Variants in GNG7 observed in about 807,000 individuals in gnomAD.
GNG7 encodes the protein guanine nucleotide-binding protein G(I)/G(S)/G(O) subunit gamma-7.
Under a neutral mutation model 4.0 loss-of-function variants are expected in GNG7, and 1 was observed. The ratio of observed to expected loss-of-function variants is 0.25; its 90% CI spans 0.09 to 1.18. GNG7 has a LOEUF of 1.18. GNG7 is among the 50% of genes most tolerant of loss of function. The pLI is 0.50. For missense variants in GNG7, 86 were observed against 91.9 expected, an observed-to-expected ratio of 0.94 and a Z score of 0.26; for synonymous variants, 34 against 36.9, an observed-to-expected ratio of 0.92 and a Z score of 0.29.
intron 2 of GNG7, among the ~76,000 whole-genome samples, chr19:2,560,100 C>T (rs1041143446): frequency 6.6e-6 from 1 of 151,788 alleles, no homozygotes; most frequent in South Asian, 2.1e-4. Flanking sequence ...AGGGAACGCA[C>T]GTCCATGACT....
At chr19:2,636,220 T>C (rs1355572898) in intron 2 of GNG7, among the ~76,000 whole-genome samples, 1 of 151,828 alleles carries the variant, frequency 6.6e-6, no homozygotes, top group Non-Finnish European at 1.5e-5. Context: ...ACTCAGGGGG[T>C]GGATGGAATT....
chr19:2,556,843 G>C (rs975492344), intron 2 of GNG7, among the ~76,000 whole-genome samples: 1 of 152,128 alleles, frequency 6.6e-6, no homozygotes, highest in Non-Finnish European at 1.5e-5. Context: ...GGTGAGCTGC[G>C]TCCCTGGCAT....
At chr19:2,522,366 G>A (rs531699563) in intron 3 of GNG7, among the ~76,000 whole-genome samples, 5 of 152,244 alleles carry the variant, frequency 3.3e-5, no homozygotes, top group Non-Finnish European at 5.9e-5. Context: ...TAATTAAGCC[G>A]CACCCTGTCT....
intron 2 of GNG7, among the ~76,000 whole-genome samples, chr19:2,590,003 G>T (rs544935683): frequency 7.2e-5 from 11 of 151,810 alleles, no homozygotes; most frequent in African/African-American, 2.4e-4. Context: ...GTAGAGACAG[G>T]GTTTCACCCT....
At chr19:2,681,608 C>T (rs2144899630) in intron 1 of GNG7, among the ~76,000 whole-genome samples, 1 of 152,244 alleles carries the variant, frequency 6.6e-6, no homozygotes, top group African/African-American at 2.4e-5. Flanking sequence ...CATACGCTTT[C>T]ACTTCCCTTA....
intron 4 of GNG7, among the ~76,000 whole-genome samples, chr19:2,518,432 C>G (rs981171901): frequency 6.6e-5 from 10 of 152,238 alleles, no homozygotes; most frequent in African/African-American, 2.4e-4. Context: ...CTGTCCTCAG[C>G]AGTCAGATTG....
At chr19:2,518,145 TC>T (rs1265839776) in intron 4 of GNG7, among the ~76,000 whole-genome samples, 4 of 152,136 alleles carry the variant, frequency 2.6e-5, no homozygotes, top group Non-Finnish European at 5.9e-5. Flanking sequence ...AGCCCCAAGA[TC>T]GTCGCCGTTG....
chr19:2,556,422 C>T (rs1256384360), intron 2 of GNG7, among the ~76,000 whole-genome samples: 1 of 152,188 alleles, frequency 6.6e-6, no homozygotes, highest in African/African-American at 2.4e-5. Context: ...TCCCTCCTGC[C>T]CTGAAGGGCC....
chr19:2,573,671 C>T (rs1453647763), intron 2 of GNG7, among the ~76,000 whole-genome samples: 3 of 151,840 alleles, frequency 2.0e-5, no homozygotes, highest in Non-Finnish European at 4.4e-5. Flanking sequence ...GGCGAAACCC[C>T]GTCTCGACTA....
intron 2 of GNG7, among the ~76,000 whole-genome samples, chr19:2,565,822 C>T (rs899634373): frequency 1.3e-5 from 2 of 152,156 alleles, no homozygotes; most frequent in Non-Finnish European, 2.9e-5. Context: ...GTGCTCAGCG[C>T]TTCTGCAGGG....
intron 1 of GNG7, among the ~76,000 whole-genome samples, chr19:2,686,307 G>A (rs184020269): frequency 0.01 from 1,541 of 152,136 alleles, 20 homozygotes; most frequent in Non-Finnish European, 0.016. Flanking sequence ...ACAGGCACCC[G>A]CCACCACGCC....
chr19:2,525,553 CAG>C (rs1231019176), intron 3 of GNG7, among the ~76,000 whole-genome samples: 1 of 152,022 alleles, frequency 6.6e-6, no homozygotes, highest in African/African-American at 2.4e-5. Flanking sequence ...AGCCCCGAAA[CAG>C]AGCAGACCTG....
At chr19:2,560,649 G>C (rs374667347) in intron 2 of GNG7, among the ~76,000 whole-genome samples, 1 of 152,080 alleles carries the variant, frequency 6.6e-6, no homozygotes, top group Admixed American at 6.6e-5. Context: ...GGCCTGGGGG[G>C]ACCCTGAATT....
intron 2 of GNG7, among the ~76,000 whole-genome samples, chr19:2,568,085 G>GCA (rs143430661): frequency 1.4e-3 from 206 of 143,472 alleles, no homozygotes; most frequent in African/African-American, 4.5e-3. Context: ...ATATACACAT[G>GCA]CACACACACA....
rs769142395 is a variant in GNG7 at position 2,560,605 on chromosome 19, G to C, written c.-77-5417C>G. Among the ~76,000 whole-genome samples, 18 of 152,214 alleles carry C rather than the reference G, an allele frequency of 1.2e-4. 1 individual carries two copies. Among genetic ancestry groups the C allele is most frequent in the Non-Finnish European group, 2.1e-4 (14 of 68,000 alleles). On this transcript the variant is annotated intron_variant, in intron 2 of 4. Coordinates refer to ENST00000382159, the MANE Select transcript of GNG7 (RefSeq NM_052847.3). ...ACGCTGCGGTGCCCAGGACGGCCCT[G>C]CTCCAGAGAAGGATCCAGCCCCGAT... is the stretch of plus-strand genomic sequence containing the variant.
chr19:2,695,850 G>A (rs1273019264), intron 1 of GNG7, among the ~76,000 whole-genome samples: 1 of 152,136 alleles, frequency 6.6e-6, no homozygotes, highest in Admixed American at 6.5e-5. Context: ...AGGGAGCACT[G>A]AGATGGGAAA....
chr19:2,560,352 C>T (rs868551146), intron 2 of GNG7, among the ~76,000 whole-genome samples: 1 of 152,110 alleles, frequency 6.6e-6, no homozygotes, highest in Non-Finnish European at 1.5e-5. Context: ...CCAGGTCTGT[C>T]TCCCACCGGC....
chr19:2,520,560 G>A (rs1193218657), intron 4 of GNG7, 48 bp downstream of exon 4: 7 of 1,074,782 alleles, frequency 6.5e-6, no homozygotes, highest in Non-Finnish European at 9.8e-6. Flanking sequence ...CATTTGCGGG[G>A]CCCCCAAGGG....
chr19:2,519,996 A>G (rs1316825171), intron 4 of GNG7, among the ~76,000 whole-genome samples: 2 of 152,150 alleles, frequency 1.3e-5, no homozygotes, highest in Non-Finnish European at 2.9e-5. Flanking sequence ...CCTGGGCAAC[A>G]TGGCGAAACG....
Sources: allele counts gnomAD v4.1 joint callset (sites outside exome capture counted in the v4.1 genomes callset), GRCh38; gene constraint gnomAD v4.1.1; transcripts MANE v1.5; gene names NCBI Gene and HGNC (gene_info 2026-07-23, HGNC 2026-07-21).